The following IGSF5 variants were observed in gnomAD, a reference collection of about 807,000 sequenced individuals.
IGSF5 encodes the protein immunoglobulin superfamily 5 like.
In IGSF5, 41 loss-of-function variants were observed where a neutral mutation model predicts 39.4. That is an observed-to-expected ratio of 1.04 (90% CI 0.81 to 1.35). The LOEUF is 1.35. IGSF5 is among the 40% of genes most tolerant of loss of function. IGSF5 has a pLI of 0.00. For synonymous variants in IGSF5, 183 were observed against 175.3 expected, an observed-to-expected ratio of 1.04 and a Z score of -0.34; for missense variants, 487 against 494.6, an observed-to-expected ratio of 0.98 and a Z score of 0.15.
At position 39,771,110 on chromosome 21, in the gene IGSF5, C is replaced by T. The variant is rs997683438; in HGVS notation, c.613C>T (p.Leu205=). 5 of 1,613,322 alleles carry T rather than the reference C, an allele frequency of 3.1e-6. No homozygotes were observed. The highest frequency in any genetic ancestry group is 4.2e-6 in the Non-Finnish European group (5 of 1,179,636). ...DLQSAVSILA[L]TPQSNGTLTC... is the part of the protein sequence containing the mutation. ...TCAAAGTGCAGTGAGCATCCTGGCTCTGACCCCACAGAGCAATGGGACTTT... is the reference window on the plus strand; with the variant it reads ...TCAAAGTGCAGTGAGCATCCTGGCTTTGACCCCACAGAGCAATGGGACTTT... Residue 205 remains leucine, a synonymous_variant, in exon 4 of 9, where the codon CTG becomes TTG. Coordinates refer to ENST00000380588, the MANE Select transcript of IGSF5 (RefSeq NM_001080444.2).
chr21:39,787,102 G>A lies in IGSF5; in HGVS notation c.935-1065G>A, dbSNP rs545539967. Reference sequence around the variant, plus strand: ...GTGCACATGTACCCGAAAACTTAAAGTATTAAAAAAAAAATGCAATGGCAA... The same window carrying A: ...GTGCACATGTACCCGAAAACTTAAAATATTAAAAAAAAAATGCAATGGCAA... On this transcript the variant is annotated intron_variant, in intron 5 of 8. Coordinates refer to ENST00000380588, the MANE Select transcript of IGSF5 (RefSeq NM_001080444.2). Among the ~76,000 whole-genome samples the A allele has an allele frequency of 2.0e-5, 3 of 151,914 alleles. No homozygotes were observed. In the East Asian group the frequency reaches 5.8e-4, roughly 29 times the overall value.
chr21:39,757,109 C>T (rs536439227), intron 2 of IGSF5, among the ~76,000 whole-genome samples: 7 of 152,022 alleles, frequency 4.6e-5, no homozygotes, highest in South Asian at 2.1e-4. Context: ...GTGTCCAATG[C>T]GGCGGCTGTT....
At chr21:39,769,927 C>T (rs1014690740) in intron 3 of IGSF5, among the ~76,000 whole-genome samples, 1 of 152,058 alleles carries the variant, frequency 6.6e-6, no homozygotes, top group Non-Finnish European at 1.5e-5. Context: ...GGTACTGAGA[C>T]CAAAGTGTTT....
chr21:39,720,485 C>T, the IGSF5 span, among the ~76,000 whole-genome samples: 1 of 152,154 alleles, frequency 6.6e-6, no homozygotes, highest in African/African-American at 2.4e-5. Flanking sequence ...TAACATCTTA[C>T]ATAAGTATGG....
chr21:39,800,368 C>G (rs1260475986), intron 8 of IGSF5, among the ~76,000 whole-genome samples: 1 of 151,860 alleles, frequency 6.6e-6, no homozygotes, highest in African/African-American at 2.4e-5. Flanking sequence ...TTGAGACAAA[C>G]AGAAATACAT....
At chr21:39,764,394 G>A (rs1671029279) in intron 2 of IGSF5, among the ~76,000 whole-genome samples, 1 of 152,168 alleles carries the variant, frequency 6.6e-6, no homozygotes, top group Non-Finnish European at 1.5e-5. Flanking sequence ...AGGCTCTAGT[G>A]CGGTGGCGTG....
At position 39,766,655 on chromosome 21, in the gene IGSF5, C is replaced by G. The variant is rs896306987; in HGVS notation, c.418+803C>G. On this transcript the variant is annotated intron_variant, in intron 3 of 8. Transcript: ENST00000380588. Reference sequence around the variant, plus strand: ...TCATTTTAGAGGTAATTTGGAGGTGCTGAAGATAATGTTACACAGTAAAAA... The same window carrying G: ...TCATTTTAGAGGTAATTTGGAGGTGGTGAAGATAATGTTACACAGTAAAAA... 1.7e-4 allele frequency among the ~76,000 whole-genome samples: 26 copies of G among 152,130 alleles called. 1 individual carries two copies. The highest frequency in any genetic ancestry group is 6.3e-4 in the African/African-American group (26 of 41,502).
chr21:39,712,206 G>A, the IGSF5 span, among the ~76,000 whole-genome samples: 1 of 152,168 alleles, frequency 6.6e-6, no homozygotes, highest in African/African-American at 2.4e-5. Context: ...TCTCCAAGCT[G>A]TATCCTCAAA....
chr21:39,732,890 G>C, the IGSF5 span, among the ~76,000 whole-genome samples: 1 of 152,002 alleles, frequency 6.6e-6, no homozygotes, highest in Non-Finnish European at 1.5e-5. Context: ...GCTGGGTGTG[G>C]TGGCACGTGC....
the IGSF5 span, among the ~76,000 whole-genome samples, chr21:39,712,793 A>G: frequency 1.3e-5 from 2 of 152,150 alleles, no homozygotes; most frequent in Non-Finnish European, 2.9e-5. Flanking sequence ...AACATAGAAC[A>G]TGACCATCTT....
chr21:39,794,997 A>C (rs928950795), intron 8 of IGSF5, among the ~76,000 whole-genome samples: 1 of 152,124 alleles, frequency 6.6e-6, no homozygotes, highest in Non-Finnish European at 1.5e-5. Flanking sequence ...TGTATTGGGA[A>C]AACCTAAGTG....
At chr21:39,801,217 T>G (rs1262720854) in intron 8 of IGSF5, 45 bp from the exon 9 acceptor site, 22 of 1,400,456 alleles carry the variant, frequency 1.6e-5, no homozygotes, top group South Asian at 3.5e-5. Context: ...CATTTTACAG[T>G]GATCTCAACC....
In IGSF5 at chr21:39,755,646, G is replaced by T. The variant is rs150316154; in HGVS notation, c.100+9348G>T. Reference sequence around the variant, plus strand: ...TGACACTTCATAATTCTGGATTTTGGATCAATCTGGGAAGGCTGTGATTTC... The same window carrying T: ...TGACACTTCATAATTCTGGATTTTGTATCAATCTGGGAAGGCTGTGATTTC... On this transcript the variant is annotated intron_variant, in intron 2 of 8. Transcript: ENST00000380588. Among the ~76,000 whole-genome samples, 613 of 152,036 alleles carry T rather than the reference G, an allele frequency of 4.0e-3. 6 individuals are homozygous for T. Among genetic ancestry groups the T allele is most frequent in the African/African-American group, 0.014 (589 of 41,470 alleles).
the IGSF5 span, among the ~76,000 whole-genome samples, chr21:39,738,845 G>C: frequency 3.8e-4 from 58 of 152,146 alleles, no homozygotes; most frequent in African/African-American, 1.3e-3. The surrounding 1 kb of genome is among the most constrained non-coding windows in gnomAD (Gnocchi z 6.4). Flanking sequence ...ATCTTCACAA[G>C]GGAAATTTAT....
chr21:39,796,171 G>A (rs533701481), intron 8 of IGSF5, among the ~76,000 whole-genome samples: 70 of 152,240 alleles, frequency 4.6e-4, no homozygotes, highest in African/African-American at 1.4e-3. Context: ...GGACACAGCC[G>A]TTCCCTTCCA....
In IGSF5 at chr21:39,801,964, CAAATGA is replaced by C. The variant is rs2087032788; in HGVS notation, c.*609_*614del. 6.6e-6 allele frequency: 1 copy of C among 152,376 alleles called. No homozygotes were observed. Among genetic ancestry groups the C allele is most frequent in the African/African-American group, 2.4e-5 (1 of 41,432 alleles). 9.4% of individuals were successfully genotyped at this position (152,376 alleles called of 1,614,324 possible). ...TTTATCAGACCTATTTGCATCTCCT[CAAATGA>C]ATTAGATGTGGCCTATGCTTTGCAG... On this transcript the variant is annotated 3_prime_UTR_variant, in exon 9 of 9. Transcript: ENST00000380588.
intron 2 of IGSF5, among the ~76,000 whole-genome samples, chr21:39,747,417 A>G (rs1039165571): frequency 1.4e-5 from 2 of 143,188 alleles, no homozygotes; most frequent in Admixed American, 7.3e-5. Context: ...GGTCACAGCC[A>G]AACCATATCA....
chr21:39,748,035 A>G (rs1409185950), intron 2 of IGSF5, among the ~76,000 whole-genome samples: 5 of 151,980 alleles, frequency 3.3e-5, no homozygotes, highest in Non-Finnish European at 7.4e-5. Context: ...TGATTATACC[A>G]GATTTTCAGA....
intron 2 of IGSF5, among the ~76,000 whole-genome samples, chr21:39,761,345 C>T (rs1030470763): frequency 6.6e-6 from 1 of 152,118 alleles, no homozygotes; most frequent in Non-Finnish European, 1.5e-5. Flanking sequence ...TTGGCTTTGG[C>T]GAAAAATTTA....
Sources: gnomAD v4.1 joint callset for allele counts (sites outside exome capture counted in the v4.1 genomes callset) on GRCh38, gnomAD v4.1.1 for gene constraint, Gnocchi (gnomAD v3.1) non-coding constraint, MANE v1.5 for transcripts, NCBI Gene and HGNC (gene_info 2026-07-23, HGNC 2026-07-21) for gene names.